CAST: variants seen among roughly 807,000 people sequenced by gnomAD.
CAST encodes MIR583 host.
In CAST, 76 loss-of-function variants were observed where a neutral mutation model predicts 119.6. That is an observed-to-expected ratio of 0.64 (90% confidence interval 0.53 to 0.77). The LOEUF (loss-of-function observed/expected upper bound fraction) is 0.77. CAST is among the 30% of genes least tolerant of loss of function. The probability of loss-of-function intolerance (pLI) is 0.00; values close to 1 mark genes in which losing one functional copy is unlikely to be tolerated. For missense variants in CAST, 953 were observed against 946.5 expected, an observed-to-expected ratio of 1.01 and a Z score of -0.09; for synonymous variants, 319 against 331.6, an observed-to-expected ratio of 0.96 and a Z score of 0.41.
At chr5:96,364,067 C>T in the CAST span, among the ~76,000 whole-genome samples, 10 of 152,190 alleles carry the variant, frequency 6.6e-5, no homozygotes, top group South Asian at 2.1e-3. Flanking sequence ...TGTCGAAGGC[C>T]TTTTCTGTAT....
chr5:96,325,370 T>C, the CAST span, among the ~76,000 whole-genome samples: 14 of 33,462 alleles, frequency 4.2e-4, no homozygotes, highest in Non-Finnish European at 7.3e-4. Context: ...TCTTTCTTTC[T>C]TTTCTTTCTT....
At chr5:96,544,653 G>C (rs1156290089) in intron 1 of CAST, among the ~76,000 whole-genome samples, 1 of 151,844 alleles carries the variant, frequency 6.6e-6, no homozygotes, top group Non-Finnish European at 1.5e-5. Context: ...GATAAAAATT[G>C]AATAATATAA....
chr5:96,128,604 C>T, the CAST span, among the ~76,000 whole-genome samples: 2 of 152,066 alleles, frequency 1.3e-5, no homozygotes, highest in East Asian at 1.9e-4. Context: ...AGCTGAGGTT[C>T]GCATGAGAGA....
At chr5:96,584,075 C>A (rs999520020) in intron 1 of CAST, among the ~76,000 whole-genome samples, 1 of 152,156 alleles carries the variant, frequency 6.6e-6, no homozygotes, top group Admixed American at 6.5e-5. Flanking sequence ...AGTCGCCAAC[C>A]TTTTTGGGAC....
At chr5:96,457,308 T>A in the CAST span, among the ~76,000 whole-genome samples, 1 of 152,138 alleles carries the variant, frequency 6.6e-6, no homozygotes, top group East Asian at 1.9e-4. Context: ...ACACTTTAAG[T>A]CACCTATCTC....
chr5:96,377,796 C>T, the CAST span, among the ~76,000 whole-genome samples: 1 of 152,092 alleles, frequency 6.6e-6, no homozygotes, highest in Non-Finnish European at 1.5e-5. Context: ...TTTTTTCCCC[C>T]ACTCAGCAGT....
the CAST span, among the ~76,000 whole-genome samples, chr5:96,382,381 A>G: frequency 6.6e-6 from 1 of 152,224 alleles, no homozygotes; most frequent in African/African-American, 2.4e-5. Context: ...ACACTGAATG[A>G]AGAATAAGTG....
intron 1 of CAST, among the ~76,000 whole-genome samples, chr5:96,562,187 G>GCACACA (rs3064111): frequency 6.7e-6 from 1 of 149,620 alleles, no homozygotes; most frequent in Non-Finnish European, 1.5e-5. Flanking sequence ...AACTTTTCAT[G>GCACACA]CACACACACA....
At chr5:96,072,593 C>T in the CAST span, among the ~76,000 whole-genome samples, 2 of 152,220 alleles carry the variant, frequency 1.3e-5, no homozygotes, top group Admixed American at 6.5e-5. Context: ...AAAAAAAGTC[C>T]ACTGTTAAAA....
intron 1 of CAST, among the ~76,000 whole-genome samples, chr5:96,608,509 C>T (rs2150195631): frequency 6.6e-6 from 1 of 151,722 alleles, no homozygotes; most frequent in Non-Finnish European, 1.5e-5. Context: ...GAATTGCTTA[C>T]ATTAAAAAAA....
At chr5:96,661,502 C>G (rs894456407), upstream of CAST, among the ~76,000 whole-genome samples, 1 of 151,498 alleles carries the variant, frequency 6.6e-6, no homozygotes, top group Non-Finnish European at 1.5e-5. Context: ...AGCGGTGACC[C>G]CAAGTCCCAG....
chr5:96,707,992 T>C (rs767100032), intron 3 of CAST, among the ~76,000 whole-genome samples: 2 of 152,206 alleles, frequency 1.3e-5, no homozygotes, highest in African/African-American at 2.4e-5. Flanking sequence ...GAATCACTTA[T>C]ACATTTTTCA....
the CAST span, among the ~76,000 whole-genome samples, chr5:96,159,561 T>A: frequency 3.0e-4 from 46 of 152,314 alleles, no homozygotes; most frequent in Non-Finnish European, 7.3e-5. Flanking sequence ...TTCCCCATAC[T>A]CATACAAACA....
the CAST span, among the ~76,000 whole-genome samples, chr5:96,504,664 A>G: frequency 3.4e-4 from 52 of 152,120 alleles, no homozygotes; most frequent in African/African-American, 9.2e-4. Context: ...CTTGAAATGT[A>G]CAATTTGACA....
At chr5:96,425,871 GTCCCTTAGAGC>G in the CAST span, 1 of 1,612,312 alleles carries the variant, frequency 6.2e-7, no homozygotes, top group Non-Finnish European at 8.5e-7. Flanking sequence ...TTAGTGCTGA[GTCCCTTAGAGC>G]TGAACGTTTA....
At chr5:96,579,578 C>T (rs976782370) in intron 1 of CAST, among the ~76,000 whole-genome samples, 1 of 152,116 alleles carries the variant, frequency 6.6e-6, no homozygotes, top group Non-Finnish European at 1.5e-5. Context: ...AATGCCAAGT[C>T]TAGGTTGCCT....
chr5:96,122,278 T>C, the CAST span, among the ~76,000 whole-genome samples: 1 of 152,156 alleles, frequency 6.6e-6, no homozygotes, highest in East Asian at 1.9e-4. Context: ...AGAGTAAAAA[T>C]TTTGCTGTAC....
At chr5:96,481,903 A>G in the CAST span, among the ~76,000 whole-genome samples, 3 of 152,130 alleles carry the variant, frequency 2.0e-5, no homozygotes, top group Non-Finnish European at 4.4e-5. Context: ...ATCACTGTGG[A>G]TCTATAAAAC....
At chr5:96,342,005 A>G in the CAST span, among the ~76,000 whole-genome samples, 1 of 152,204 alleles carries the variant, frequency 6.6e-6, no homozygotes. Context: ...TTAACAAGTG[A>G]TGGTGGTAAT....
Sources: allele counts gnomAD v4.1 joint callset (sites outside exome capture counted in the v4.1 genomes callset), GRCh38; gene constraint gnomAD v4.1.1; transcripts MANE v1.5; gene names NCBI Gene and HGNC (gene_info 2026-07-23, HGNC 2026-07-21).